Variants in SLIT3 observed in about 807,000 individuals in gnomAD.
SLIT3 encodes the protein slit homolog 3 protein.
A neutral mutation model predicts 184.0 loss-of-function variants in SLIT3; 68 were observed. The observed-to-expected ratio is 0.37, with a 90% CI of 0.30 to 0.45. SLIT3 has a LOEUF of 0.45. SLIT3 is among the 20% of genes least tolerant of loss of function. The pLI is 1.00. For missense variants in SLIT3, 1,707 were observed against 2,026.0 expected (o/e 0.84, Z 3.02); for synonymous variants, 831 against 828.6 (o/e 1.00, Z -0.05).
chr5:169,289,162 A>C (rs1481272655), intron 1 of SLIT3, among the ~76,000 whole-genome samples: 1 of 152,224 alleles, frequency 6.6e-6, no homozygotes, highest in Non-Finnish European at 1.5e-5. Flanking sequence ...GCAGTTAGAA[A>C]GTGACAGAAG....
chr5:169,173,396 G>A (rs1287424954), intron 4 of SLIT3, among the ~76,000 whole-genome samples: 1 of 152,206 alleles, frequency 6.6e-6, no homozygotes, highest in African/African-American at 2.4e-5. Context: ...ACTGAAAGGA[G>A]TACGTAAGGA....
At chr5:169,022,557 G>A (rs1369429072) in intron 4 of SLIT3, among the ~76,000 whole-genome samples, 1 of 152,196 alleles carries the variant, frequency 6.6e-6, no homozygotes. Flanking sequence ...CACCCACTAT[G>A]TATTTCCTAT....
intron 4 of SLIT3, among the ~76,000 whole-genome samples, chr5:169,134,750 A>G (rs1761437358): frequency 6.6e-6 from 1 of 152,156 alleles, no homozygotes; most frequent in African/African-American, 2.4e-5. Context: ...AAAGTATAAT[A>G]CTAATAATAA....
At chr5:169,268,589 A>G (rs1386160554) in intron 1 of SLIT3, among the ~76,000 whole-genome samples, 2 of 152,184 alleles carry the variant, frequency 1.3e-5, no homozygotes, top group African/African-American at 4.8e-5. Context: ...CATATCCATG[A>G]GAGAAGGCAA....
chr5:168,966,769 C>T (rs776432289), intron 4 of SLIT3, among the ~76,000 whole-genome samples: 2 of 152,210 alleles, frequency 1.3e-5, no homozygotes, highest in Non-Finnish European at 2.9e-5. Flanking sequence ...TCCAGCCTCT[C>T]CAACTTTAAC....
chr5:169,240,289 T>A (rs552562632), intron 3 of SLIT3, among the ~76,000 whole-genome samples: 20 of 151,938 alleles, frequency 1.3e-4, no homozygotes, highest in Middle Eastern at 6.3e-3. Context: ...TATTCTATAT[T>A]TTTACCAAGA....
At chr5:168,795,627 A>G in intron 9 of SLIT3, 49 bp from the exon 10 acceptor site, 4 of 1,437,524 alleles carry the variant, frequency 2.8e-6, no homozygotes, top group Non-Finnish European at 3.9e-6. Context: ...CCTGTCAACA[A>G]GTGGTCACTG....
At chr5:168,729,275 T>C (rs2113392615) in intron 20 of SLIT3, among the ~76,000 whole-genome samples, 1 of 152,222 alleles carries the variant, frequency 6.6e-6, no homozygotes, top group South Asian at 2.1e-4. Flanking sequence ...TAGACATCCA[T>C]TTACAGGAGG....
At chr5:169,194,881 G>C (rs1161089149) in intron 3 of SLIT3, among the ~76,000 whole-genome samples, 2 of 152,126 alleles carry the variant, frequency 1.3e-5, no homozygotes, top group Non-Finnish European at 2.9e-5. Context: ...GCTTTCTTCG[G>C]AGCACTGGGC....
chr5:169,162,353 G>A (rs906304179), intron 4 of SLIT3, among the ~76,000 whole-genome samples: 1 of 152,204 alleles, frequency 6.6e-6, no homozygotes, highest in African/African-American at 2.4e-5. Context: ...AGTTTGAGAT[G>A]TGCTGTGTAT....
intron 31 of SLIT3, among the ~76,000 whole-genome samples, chr5:168,685,167 T>C (rs1421073898): frequency 6.6e-6 from 1 of 152,208 alleles, no homozygotes; most frequent in Non-Finnish European, 1.5e-5. Context: ...CAGGTTGGTC[T>C]TGAACTCCTG....
intron 4 of SLIT3, among the ~76,000 whole-genome samples, chr5:169,027,618 C>T (rs1323594417): frequency 1.3e-5 from 2 of 152,176 alleles, no homozygotes; most frequent in Non-Finnish European, 2.9e-5. Context: ...GACCCATATG[C>T]CACTTTATTC....
At chr5:169,231,353 T>G (rs1764995430) in intron 3 of SLIT3, among the ~76,000 whole-genome samples, 1 of 152,178 alleles carries the variant, frequency 6.6e-6, no homozygotes, top group South Asian at 2.1e-4. Flanking sequence ...AATCCCTTAG[T>G]GCCCCTCTCC....
At position 168,669,747 on chromosome 5, in the gene SLIT3, C is replaced by T. The variant is rs781152983; in HGVS notation, c.4336+36G>A. Reference sequence around the variant, plus strand: ...CTGGATGTGAAGTCCAACTCTGACCCCCACTTCCTCCCTCCCACAGGCACA... The same window carrying T: ...CTGGATGTGAAGTCCAACTCTGACCTCCACTTCCTCCCTCCCACAGGCACA... On this transcript the variant is annotated intron_variant, in intron 35 of 35. Transcript: ENST00000519560. 8 of 1,569,656 alleles carry T rather than the reference C, an allele frequency of 5.1e-6. No individual in the cohort carries two copies. The Admixed American group carries it at 1.3e-4, about 26-fold the overall frequency.
At chr5:169,155,163 T>C (rs951866767) in intron 4 of SLIT3, among the ~76,000 whole-genome samples, 5 of 152,326 alleles carry the variant, frequency 3.3e-5, no homozygotes, top group Admixed American at 1.3e-4. Flanking sequence ...ATCAACCCTG[T>C]GTCTGCGAGT....
At chr5:168,911,298 T>A (rs948029484) in intron 4 of SLIT3, among the ~76,000 whole-genome samples, 3 of 152,164 alleles carry the variant, frequency 2.0e-5, no homozygotes, top group African/African-American at 7.2e-5. Flanking sequence ...CCGGTAGCTA[T>A]CCTATTAGCG....
intron 6 of SLIT3, among the ~76,000 whole-genome samples, chr5:168,825,268 G>T (rs921026606): frequency 3.9e-5 from 6 of 152,054 alleles, no homozygotes; most frequent in Admixed American, 3.9e-4. Context: ...TCAGCATACA[G>T]TGCCCCCCAT....
intron 8 of SLIT3, among the ~76,000 whole-genome samples, chr5:168,813,095 T>C (rs1245809200): frequency 1.3e-5 from 2 of 152,148 alleles, no homozygotes; most frequent in African/African-American, 4.8e-5. Context: ...ATATCTCACA[T>C]TTAAGGCCAA....
rs977264165 is a variant in SLIT3 at position 168,665,043 on chromosome 5, C to T, written c.*1411G>A. On this transcript the variant is annotated 3_prime_UTR_variant, in exon 36 of 36. Transcript: ENST00000519560. ...CAGGGCTGCTCTGATGGATTTAAGCCGCCTGAATCACCTGTGCTCACCCAT... is the reference window on the plus strand; with the variant it reads ...CAGGGCTGCTCTGATGGATTTAAGCTGCCTGAATCACCTGTGCTCACCCAT... 4 of 152,182 alleles carry T rather than the reference C, an allele frequency of 2.6e-5. No individual in the cohort carries two copies. Among genetic ancestry groups the T allele is most frequent in the Non-Finnish European group, 2.9e-5 (2 of 68,042 alleles). The allele number at this position is 152,182 out of a possible 1,614,324, so 9.4% of individuals were successfully genotyped here.
Sources: gnomAD v4.1 joint callset for allele counts (sites outside exome capture counted in the v4.1 genomes callset) on GRCh38, gnomAD v4.1.1 for gene constraint, MANE v1.5 for transcripts, NCBI Gene and HGNC (gene_info 2026-07-23, HGNC 2026-07-21) for gene names.